The following FAM185A variants were observed in gnomAD, a reference collection of about 807,000 sequenced individuals.
FAM185A encodes family with sequence similarity 185 member A.
FAM185A carries 21 observed loss-of-function variants against 45.7 expected under a neutral mutation model. The observed-to-expected ratio is 0.46, with a 90% CI of 0.33 to 0.66. The LOEUF (loss-of-function observed/expected upper bound fraction) is 0.66. Ranked by LOEUF, FAM185A falls within the 30% of genes least tolerant of loss-of-function variation. FAM185A has a pLI of 0.03. For synonymous variants in FAM185A, 117 were observed against 194.0 expected (o/e 0.60, Z 3.30); for missense variants, 305 against 485.4 (o/e 0.63, Z 3.49).
chr7:102,782,810 T>G (rs531643062), intron 6 of FAM185A, among the ~76,000 whole-genome samples: 66 of 152,118 alleles, frequency 4.3e-4, no homozygotes, highest in African/African-American at 1.5e-3. Flanking sequence ...ATATTAACCT[T>G]AAATGTAAAT....
At chr7:102,850,489 T>C in the FAM185A span, among the ~76,000 whole-genome samples, 1 of 152,236 alleles carries the variant, frequency 6.6e-6, no homozygotes, top group Admixed American at 6.5e-5. Flanking sequence ...AAAATGTTAA[T>C]ATTTTAAACT....
chr7:102,784,356 C>A (rs1269057981), intron 6 of FAM185A, among the ~76,000 whole-genome samples: 1 of 151,764 alleles, frequency 6.6e-6, no homozygotes, highest in African/African-American at 2.4e-5. Context: ...CATCCTGATA[C>A]CAAAGCCTGG....
chr7:102,810,375 G>C (rs778102651), downstream of FAM185A, among the ~76,000 whole-genome samples: 1 of 151,950 alleles, frequency 6.6e-6, no homozygotes, highest in South Asian at 2.1e-4. Context: ...TAGCATTACA[G>C]GTGCACGCCA....
Position 102,749,159 on chromosome 7 carries a change from A to G in FAM185A, c.-49A>G. On this transcript the variant is annotated 5_prime_UTR_variant, in exon 1 of 8. Coordinates refer to ENST00000413034, the MANE Select transcript of FAM185A (RefSeq NM_001145268.2). ...CCAAGTCGATTGGCCGTGGCAAGTG[A>G]CCCTCCCTGTGGCTGAAGTGTTCTG... 1 of 1,550,372 alleles carries G rather than the reference A, an allele frequency of 6.5e-7. No homozygotes were observed. The highest frequency in any genetic ancestry group is 1.4e-5 in the African/African-American group (1 of 73,134).
At chr7:102,826,064 A>G in the FAM185A span, among the ~76,000 whole-genome samples, 8 of 152,088 alleles carry the variant, frequency 5.3e-5, no homozygotes, top group Non-Finnish European at 2.9e-5. Context: ...TTTTAGTAGG[A>G]CCTCTTTATA....
the FAM185A span, among the ~76,000 whole-genome samples, chr7:102,828,957 A>G: frequency 2.0e-5 from 3 of 152,196 alleles, no homozygotes; most frequent in Admixed American, 2.0e-4. Context: ...GTCATTCTCA[A>G]GAATAACTAT....
At chr7:102,848,889 A>C in the FAM185A span, among the ~76,000 whole-genome samples, 1 of 152,078 alleles carries the variant, frequency 6.6e-6, no homozygotes, top group South Asian at 2.1e-4. Flanking sequence ...AATCCCAGCT[A>C]CTCGGGAGGC....
At chr7:102,777,770 T>C (rs531192930) in intron 6 of FAM185A, among the ~76,000 whole-genome samples, 85 of 152,078 alleles carry the variant, frequency 5.6e-4, no homozygotes, top group African/African-American at 2.0e-3. Context: ...CAAAGTGTGA[T>C]CCTTAAATAA....
chr7:102,797,139 A>G (rs917676993), intron 7 of FAM185A, among the ~76,000 whole-genome samples: 1 of 152,182 alleles, frequency 6.6e-6, no homozygotes, highest in Non-Finnish European at 1.5e-5. Context: ...CTTGGGTTAC[A>G]CTTTTGTTGA....
intron 7 of FAM185A, among the ~76,000 whole-genome samples, chr7:102,802,675 T>C (rs1200996815): frequency 2.0e-5 from 3 of 150,698 alleles, no homozygotes; most frequent in South Asian, 4.2e-4. Flanking sequence ...CCAAACCCAG[T>C]AGAAAAAAGG....
At chr7:102,767,996 C>A in intron 4 of FAM185A, among the ~76,000 whole-genome samples, 1 of 139,020 alleles carries the variant, frequency 7.2e-6, no homozygotes, top group Non-Finnish European at 1.6e-5. Context: ...TCTATCTCAC[C>A]TTTTTCCTGC....
In FAM185A at chr7:102,755,135, C is replaced by T. The variant is rs1404974040; in HGVS notation, c.562-2719C>T. The T allele has an allele frequency of 6.0e-5, 23 of 384,166 alleles. No individual in the cohort carries two copies. In the South Asian group the frequency reaches 6.1e-4, roughly 10 times the overall value. 23.8% of individuals were successfully genotyped at this position (384,166 alleles called of 1,614,324 possible). On this transcript the variant is annotated intron_variant, in intron 2 of 7. Coordinates refer to ENST00000413034, the MANE Select transcript of FAM185A (RefSeq NM_001145268.2). ...CTTAAAACAACAAGTGTGCGCCTCC[C>T]GTCGCCCAAGATGCCGAAAGGAAAG...
At chr7:102,831,431 A>ACACACACCCCCCCCCCCC in the FAM185A span, among the ~76,000 whole-genome samples, 1 of 147,126 alleles carries the variant, frequency 6.8e-6, no homozygotes, top group South Asian at 2.2e-4. Flanking sequence ...ACACACACAC[A>ACACACACCCCCCCCCCCC]CCCCACTACA....
At chr7:102,824,225 T>C in the FAM185A span, among the ~76,000 whole-genome samples, 7 of 152,240 alleles carry the variant, frequency 4.6e-5, no homozygotes, top group African/African-American at 9.6e-5. Flanking sequence ...CCCAGCCTCA[T>C]TGGGCAGATT....
chr7:102,808,070 A>G (rs1241923957), intron 7 of FAM185A, among the ~76,000 whole-genome samples: 1 of 152,152 alleles, frequency 6.6e-6, no homozygotes, highest in Non-Finnish European at 1.5e-5. Context: ...CAAACAAAAC[A>G]AAACAAAACA....
At chr7:102,759,567 A>G (rs1793986761) in intron 3 of FAM185A, among the ~76,000 whole-genome samples, 1 of 152,126 alleles carries the variant, frequency 6.6e-6, no homozygotes, top group Admixed American at 6.5e-5. Context: ...TGTGATTTGG[A>G]TATTTGAGAG....
intron 3 of FAM185A, 28 bp downstream of exon 3, chr7:102,757,974 T>A: frequency 6.5e-7 from 1 of 1,541,786 alleles, no homozygotes; most frequent in Non-Finnish European, 8.7e-7. Flanking sequence ...TTTTTTTTTT[T>A]AGTAATTGCA....
At chr7:102,783,299 C>T (rs1795537294) in intron 6 of FAM185A, among the ~76,000 whole-genome samples, 1 of 152,134 alleles carries the variant, frequency 6.6e-6, no homozygotes, top group Admixed American at 6.5e-5. Context: ...ACCAAGCAGA[C>T]CTAATAGACA....
the FAM185A span, chr7:102,834,662 C>T: frequency 6.6e-6 from 1 of 151,786 alleles, no homozygotes; most frequent in Middle Eastern, 3.2e-3. Flanking sequence ...TTAGCCTGGC[C>T]CCTGAACAAG....
Sources: gnomAD v4.1 joint callset for allele counts (sites outside exome capture counted in the v4.1 genomes callset) on GRCh38, gnomAD v4.1.1 for gene constraint, MANE v1.5 for transcripts, NCBI Gene and HGNC (gene_info 2026-07-23, HGNC 2026-07-21) for gene names.